RTKN2: variants seen among roughly 807,000 people sequenced by gnomAD.
RTKN2 encodes rhotekin 2.
A neutral mutation model predicts 71.5 loss-of-function variants in RTKN2; 69 were observed. The ratio of observed to expected loss-of-function variants is 0.96; its 90% CI spans 0.79 to 1.18. The LOEUF (loss-of-function observed/expected upper bound fraction) is 1.18. RTKN2 is among the 50% of genes most tolerant of loss of function. RTKN2 has a pLI of 0.00. For synonymous variants in RTKN2, 236 were observed against 236.5 expected (o/e 1.00, Z 0.02); for missense variants, 724 against 719.7 (o/e 1.01, Z -0.07).
At chr10:62,262,488 G>T in intron 2 of RTKN2, 137 bp downstream of exon 2, 1 of 576,036 alleles carries the variant, frequency 1.7e-6, no homozygotes, top group Non-Finnish European at 3.0e-6. Context: ...TGTTTATGAT[G>T]TCAGCTGCTA....
At chr10:62,226,936 G>A (rs989633121) in intron 6 of RTKN2, among the ~76,000 whole-genome samples, 8 of 152,210 alleles carry the variant, frequency 5.3e-5, no homozygotes, top group Non-Finnish European at 1.0e-4. Context: ...ACTCCAGCCT[G>A]AGTGACAGAA....
chr10:62,185,936 C>G (rs1841128264), intron 8 of RTKN2, among the ~76,000 whole-genome samples: 1 of 152,178 alleles, frequency 6.6e-6, no homozygotes, highest in Non-Finnish European at 1.5e-5. Context: ...TATATATAAC[C>G]TCTTATTGAA....
At chr10:62,219,949 T>G (rs1012123024) in intron 7 of RTKN2, among the ~76,000 whole-genome samples, 5 of 152,282 alleles carry the variant, frequency 3.3e-5, no homozygotes, top group African/African-American at 1.2e-4. Context: ...ATTCTAGACA[T>G]CAGAGTATAA....
At chr10:62,208,706 A>T (rs1841597449) in intron 9 of RTKN2, among the ~76,000 whole-genome samples, 1 of 152,184 alleles carries the variant, frequency 6.6e-6, no homozygotes, top group African/African-American at 2.4e-5. Flanking sequence ...AAAAACCCCA[A>T]GCACTTTTCC....
intron 6 of RTKN2, among the ~76,000 whole-genome samples, chr10:62,225,735 G>A (rs1384234313): frequency 4.6e-5 from 7 of 151,204 alleles, no homozygotes; most frequent in Non-Finnish European, 1.0e-4. Context: ...CTGGCACTTC[G>A]TGGTGATAAA....
chr10:62,241,251 T>G, intron 3 of RTKN2, 56 bp from the exon 4 acceptor site: 1 of 1,019,088 alleles, frequency 9.8e-7, no homozygotes, highest in South Asian at 1.4e-5. Context: ...TTTTATTCTT[T>G]ACAGTGACCT....
In RTKN2 at chr10:62,197,533, G is replaced by A. The variant is rs1362518033; in HGVS notation, c.*375C>T. On this transcript the variant is annotated 3_prime_UTR_variant, in exon 12 of 12. Transcript: ENST00000373789. ...ATTAGTATTAAAATTCTCACAATGA[G>A]AATATGGTTCATATTTAACACATTT... 1.8e-5 allele frequency: 18 copies of A among 996,528 alleles called. No individual in the cohort carries two copies. The highest frequency in any genetic ancestry group is 2.2e-5 in the Non-Finnish European group (18 of 836,580). 61.7% of individuals were successfully genotyped at this position (996,528 alleles called of 1,614,324 possible).
intron 3 of RTKN2, among the ~76,000 whole-genome samples, chr10:62,244,033 A>G (rs896486753): frequency 1.3e-5 from 2 of 152,184 alleles, no homozygotes; most frequent in Non-Finnish European, 1.5e-5. Context: ...TTAGTTTCAT[A>G]AAGACCTGGC....
intron 8 of RTKN2, among the ~76,000 whole-genome samples, chr10:62,184,812 C>T (rs560823904): frequency 2.6e-5 from 4 of 152,090 alleles, no homozygotes; most frequent in African/African-American, 9.6e-5. Flanking sequence ...TTTATAATTT[C>T]TTAACCAAGA....
intron 2 of RTKN2, 141 bp downstream of exon 2, chr10:62,262,484 T>C: frequency 1.8e-6 from 1 of 563,646 alleles, no homozygotes; most frequent in South Asian, 2.9e-5. Flanking sequence ...AAACTGTTTA[T>C]GATGTCAGCT....
chr10:62,263,852 G>A (rs1316549464), intron 1 of RTKN2, among the ~76,000 whole-genome samples: 2 of 152,126 alleles, frequency 1.3e-5, no homozygotes, highest in Admixed American at 1.3e-4. Context: ...ATTGCTGAAA[G>A]TCTTTTATTC....
Position 62,218,278 on chromosome 10 carries a change from G to A in RTKN2, c.805C>T (p.Leu269=). ...GNEESSFWLP[L]YGNMCCRLVA... The stretch of plus-strand genomic sequence containing the variant: ...AGTCGGCAGCACATGTTGCCATACA[G>A]GGGAAGCCAAAATGAAGACTCCTCT... Residue 269 remains leucine, a synonymous_variant, in exon 8 of 12, where the codon CTG becomes TTG. Coordinates refer to ENST00000373789, the MANE Select transcript of RTKN2 (RefSeq NM_145307.4). 2 of 1,611,408 alleles carry A rather than the reference G, an allele frequency of 1.2e-6. No individual in the cohort carries two copies. The highest frequency in any genetic ancestry group is 1.7e-6 in the Non-Finnish European group (2 of 1,178,892).
chr10:62,227,078 A>C (rs1012155445), intron 6 of RTKN2, among the ~76,000 whole-genome samples: 2 of 152,230 alleles, frequency 1.3e-5, no homozygotes, highest in African/African-American at 4.8e-5. Flanking sequence ...TTTCAAGAAA[A>C]GATTATCGAC....
chr10:62,201,442 G>T (rs1376641566), intron 10 of RTKN2, among the ~76,000 whole-genome samples: 1 of 152,004 alleles, frequency 6.6e-6, no homozygotes, highest in East Asian at 1.9e-4. Flanking sequence ...ATAAATTCTT[G>T]AGTACAAGGC....
intron 6 of RTKN2, among the ~76,000 whole-genome samples, chr10:62,224,879 G>T (rs1428103965): frequency 6.6e-6 from 1 of 152,176 alleles, no homozygotes; most frequent in Non-Finnish European, 1.5e-5. Flanking sequence ...TGCAACGCAA[G>T]GCTGGAAATA....
intron 6 of RTKN2, among the ~76,000 whole-genome samples, chr10:62,234,808 A>G (rs924670184): frequency 6.6e-6 from 1 of 152,178 alleles, no homozygotes; most frequent in African/African-American, 2.4e-5. Context: ...TAAAAACCAT[A>G]GATAAAAGAC....
At chr10:62,204,421 A>C (rs1000315270) in intron 10 of RTKN2, among the ~76,000 whole-genome samples, 1 of 152,224 alleles carries the variant, frequency 6.6e-6, no homozygotes, top group Non-Finnish European at 1.5e-5. Context: ...ATGTCCAAGA[A>C]GATGATAACG....
chr10:62,184,922 A>G (rs768008071), intron 8 of RTKN2, among the ~76,000 whole-genome samples: 6 of 152,350 alleles, frequency 3.9e-5, no homozygotes, highest in Non-Finnish European at 7.3e-5. Context: ...CTGAAGCTCA[A>G]TTAGAAATCT....
At chr10:62,244,130 A>T (rs146757413) in intron 3 of RTKN2, among the ~76,000 whole-genome samples, 173 of 152,322 alleles carry the variant, frequency 1.1e-3, no homozygotes, top group African/African-American at 3.8e-3. Context: ...TTTGTTGCAA[A>T]TATTCATCTT....
Sources: allele counts gnomAD v4.1 joint callset (sites outside exome capture counted in the v4.1 genomes callset), GRCh38; gene constraint gnomAD v4.1.1; transcripts MANE v1.5; gene names NCBI Gene and HGNC (gene_info 2026-07-23, HGNC 2026-07-21).